ADARB2: variants seen among roughly 807,000 people sequenced by gnomAD.
The protein encoded by ADARB2 is adenosine deaminase RNA specific B2 (inactive).
ADARB2 carries 25 observed loss-of-function variants against 62.2 expected under a neutral mutation model. The ratio of observed to expected loss-of-function variants is 0.40; its 90% CI spans 0.29 to 0.56. The LOEUF (loss-of-function observed/expected upper bound fraction) is 0.56, where lower values mean the gene tolerates loss of function less well. Ranked by LOEUF, ADARB2 falls within the 20% of genes least tolerant of loss-of-function variation. The pLI, the probability that ADARB2 is intolerant of heterozygous loss-of-function variation, is 0.43. For synonymous variants in ADARB2, 572 were observed against 500.8 expected (o/e 1.14, Z -1.90); for missense variants, 1,071 against 1,077.4 (o/e 0.99, Z 0.08).
At chr10:1,245,243 G>A (rs1270083834) in intron 4 of ADARB2, among the ~76,000 whole-genome samples, 1 of 152,084 alleles carries the variant, frequency 6.6e-6, no homozygotes, top group African/African-American at 2.4e-5. Flanking sequence ...GAAGATGAGG[G>A]AGAGGAAGAA....
At chr10:1,702,715 C>T (rs563392210) in intron 1 of ADARB2, among the ~76,000 whole-genome samples, 2 of 152,342 alleles carry the variant, frequency 1.3e-5, no homozygotes, top group South Asian at 2.1e-4. Flanking sequence ...CTGGGCCCCA[C>T]ATTTGAGAAT....
At chr10:1,394,797 A>T (rs201633709) in intron 1 of ADARB2, 44 of 456,216 alleles carry the variant, frequency 9.6e-5, no homozygotes, top group Non-Finnish European at 1.1e-4. Flanking sequence ...GGAGCGTCTA[A>T]GGGGAGGAGC....
chr10:1,633,566 ATCTATCTATC>A lies in ADARB2; in HGVS notation c.100+103475_100+103484del, dbSNP rs1481710663. 2.8e-3 allele frequency among the ~76,000 whole-genome samples: 415 copies of A among 147,580 alleles called. 3 individuals are homozygous for A. The highest frequency in any genetic ancestry group is 0.01 in the African/African-American group (403 of 39,770). ...CTATCTATCATCTATCTATCTATCT[ATCTATCTATC>A]TATCTATCTATCTATCTATCTATCT... On this transcript the variant is annotated intron_variant, in intron 1 of 9. Transcript: ENST00000381312.
intron 2 of ADARB2, among the ~76,000 whole-genome samples, chr10:1,369,842 T>G (rs1832351945): frequency 6.6e-6 from 1 of 152,188 alleles, no homozygotes. Context: ...TTTGTCCCTG[T>G]CTTCTCTCAG....
chr10:1,644,058 A>G lies in ADARB2; in HGVS notation c.100+92993T>C, dbSNP rs559602349. Among the ~76,000 whole-genome samples the G allele has an allele frequency of 5.0e-4, 76 of 152,210 alleles. 1 individual carries two copies. Among genetic ancestry groups the G allele is most frequent in the Non-Finnish European group, 9.0e-4 (61 of 68,032 alleles). ...TAAATAAAACTCCAGGTTATCTCAA[A>G]GGCAGGAGTGGAAGCAGCTAATGCG... On this transcript the variant is annotated intron_variant, in intron 1 of 9. Transcript: ENST00000381312.
At chr10:1,365,343 C>T (rs567326032) in intron 2 of ADARB2, among the ~76,000 whole-genome samples, 81 of 152,234 alleles carry the variant, frequency 5.3e-4, no homozygotes, top group African/African-American at 1.9e-3. Flanking sequence ...CACCGCTCCA[C>T]GGACCGGCCG....
At chr10:1,703,923 C>G (rs1180791657) in intron 1 of ADARB2, among the ~76,000 whole-genome samples, 2 of 152,254 alleles carry the variant, frequency 1.3e-5, no homozygotes, top group African/African-American at 4.8e-5. Flanking sequence ...AGGGGACTCA[C>G]TCCTAAGAGG....
intron 4 of ADARB2, among the ~76,000 whole-genome samples, chr10:1,262,317 A>AATAATT (rs1831148503): frequency 6.8e-6 from 1 of 147,294 alleles, no homozygotes; most frequent in African/African-American, 2.5e-5. Context: ...TAATAATAAT[A>AATAATT]ATAAAAGAAA....
intron 2 of ADARB2, among the ~76,000 whole-genome samples, chr10:1,370,184 A>G (rs1265191014): frequency 6.6e-6 from 1 of 152,244 alleles, no homozygotes; most frequent in Admixed American, 6.5e-5. Flanking sequence ...CCACACAAAC[A>G]GAACTAAAAA....
intron 1 of ADARB2, among the ~76,000 whole-genome samples, chr10:1,412,360 A>G (rs974642523): frequency 3.3e-5 from 5 of 152,202 alleles, no homozygotes; most frequent in Admixed American, 3.3e-4. Context: ...GTTGATTAAA[A>G]GATGTGTTTT....
intron 3 of ADARB2, among the ~76,000 whole-genome samples, chr10:1,304,800 C>G (rs1461656025): frequency 5.3e-4 from 79 of 148,826 alleles, no homozygotes; most frequent in Non-Finnish European, 6.7e-4. Flanking sequence ...GAAATGAAGG[C>G]AGAAATAAAG....
intron 3 of ADARB2, among the ~76,000 whole-genome samples, chr10:1,273,950 G>T (rs566204431): frequency 6.6e-6 from 1 of 152,194 alleles, no homozygotes; most frequent in Admixed American, 6.5e-5. Flanking sequence ...TCTGGGAGGT[G>T]GGGAGGCTTG....
chr10:1,526,977 T>C lies in ADARB2; in HGVS notation c.101-147817A>G, dbSNP rs1385312501. On this transcript the variant is annotated intron_variant, in intron 1 of 9. Transcript: ENST00000381312. ...ATTATGTGAAATAGAGAAAATAACT[T>C]ATTTGTGCACAGCTCTGACTTCCAA... The C allele has an allele frequency of 6.2e-5, 20 of 324,808 alleles. 1 individual carries two copies. The East Asian group carries it at 7.8e-4, about 13-fold the overall frequency. 20.1% of individuals were successfully genotyped at this position (324,808 alleles called of 1,614,324 possible).
At chr10:1,291,334 G>A (rs1831464092) in intron 3 of ADARB2, 1 of 152,244 alleles carries the variant, frequency 6.6e-6, no homozygotes, top group African/African-American at 2.4e-5. Context: ...ACAGAAATCA[G>A]TGGATGAAAA....
intron 3 of ADARB2, among the ~76,000 whole-genome samples, chr10:1,314,377 T>G (rs1420614412): frequency 6.6e-6 from 1 of 151,902 alleles, no homozygotes; most frequent in Non-Finnish European, 1.5e-5. Flanking sequence ...CCAGACAGAC[T>G]ATAGCTGGGG....
In ADARB2 at chr10:1,619,289, TAA is replaced by T. The variant is rs59098282; in HGVS notation, c.100+117760_100+117761del. ...ATCAAAGACACAAATACATTGAAAG[TAA>T]AAAAAAAAAAAAAAAAAGAAAAAAT... On this transcript the variant is annotated intron_variant, in intron 1 of 9. Transcript: ENST00000381312. Among the ~76,000 whole-genome samples, 950 of 115,720 alleles carry T rather than the reference TAA, an allele frequency of 8.2e-3. 4 individuals are homozygous for T. Among genetic ancestry groups the T allele is most frequent in the East Asian group, 0.046 (170 of 3,716 alleles). 75.9% of individuals were successfully genotyped at this position (115,720 alleles called of 152,430 possible).
At chr10:1,562,981 C>A (rs991479843) in intron 1 of ADARB2, among the ~76,000 whole-genome samples, 5 of 152,244 alleles carry the variant, frequency 3.3e-5, no homozygotes, top group Non-Finnish European at 5.9e-5. Flanking sequence ...ACTTCTCATG[C>A]TGAGCTCCCG....
intron 1 of ADARB2, among the ~76,000 whole-genome samples, chr10:1,434,605 TAAAC>T (rs1043532567): frequency 1.3e-5 from 2 of 152,262 alleles, no homozygotes; most frequent in East Asian, 3.9e-4. Flanking sequence ...CATTTAGAAT[TAAAC>T]AAGTTTTACT....
chr10:1,446,558 G>A (rs1564291166), intron 1 of ADARB2, among the ~76,000 whole-genome samples: 1 of 152,246 alleles, frequency 6.6e-6, no homozygotes, highest in Non-Finnish European at 1.5e-5. Context: ...AGGCATGCAG[G>A]GAGGCGGTGC....
Sources: gnomAD v4.1 joint callset for allele counts (sites outside exome capture counted in the v4.1 genomes callset) on GRCh38, gnomAD v4.1.1 for gene constraint, MANE v1.5 for transcripts, NCBI Gene and HGNC (gene_info 2026-07-23, HGNC 2026-07-21) for gene names.